ASMTL: variants seen among roughly 807,000 people sequenced by gnomAD.
ASMTL encodes the protein acetylserotonin O-methyltransferase like, also known as probable bifunctional dTTP/UTP pyrophosphatase/methyltransferase protein.
In ASMTL, 57 loss-of-function variants were observed where a neutral mutation model predicts 60.3. The ratio of observed to expected loss-of-function variants is 0.95; its 90% confidence interval spans 0.76 to 1.18. The LOEUF is 1.18. Among genes scored for constraint, ASMTL ranks in the 50% most tolerant of loss-of-function variants. The pLI, the probability that ASMTL is intolerant of heterozygous loss-of-function variation, is 0.00. For missense variants in ASMTL, 981 were observed against 852.6 expected, an observed-to-expected ratio of 1.15 and a Z score of -1.88; for synonymous variants, 419 against 373.0, an observed-to-expected ratio of 1.12 and a Z score of -1.42.
intron 12 of ASMTL, among the ~76,000 whole-genome samples, chrX:1,411,110 G>T (rs1603450384): frequency 6.6e-6 from 1 of 152,252 alleles, no homozygotes; most frequent in East Asian, 1.9e-4. Flanking sequence ...CTTGAACCCT[G>T]GGGGTGGAGG....
intron 2 of ASMTL, 185 bp downstream of exon 2, chrX:1,442,001 A>G: frequency 1.5e-6 from 1 of 664,982 alleles, no homozygotes; most frequent in Non-Finnish European, 2.7e-6. Context: ...TTAATTCTGT[A>G]TCATTAATGG....
At chrX:1,417,915 T>A in intron 11 of ASMTL, 58 bp downstream of exon 11, 2 of 1,554,066 alleles carry the variant, frequency 1.3e-6, no homozygotes, top group Non-Finnish European at 1.7e-6. Context: ...GCCCTCTGTC[T>A]AGAAAGAGAT....
intron 8 of ASMTL, among the ~76,000 whole-genome samples, chrX:1,422,675 G>A (rs1569532843): frequency 6.6e-6 from 1 of 152,092 alleles, no homozygotes; most frequent in Non-Finnish European, 1.5e-5. Context: ...GTCCTCCTAT[G>A]TAAGAAACAG....
At chrX:1,438,339 C>T (rs1361287147) in intron 3 of ASMTL, among the ~76,000 whole-genome samples, 1 of 151,748 alleles carries the variant, frequency 6.6e-6, no homozygotes. Context: ...GAGAAGGCCA[C>T]ATGGAGATGG....
intron 1 of ASMTL, among the ~76,000 whole-genome samples, chrX:1,450,816 C>G (rs137865869): frequency 0.012 from 1,711 of 145,744 alleles, 112 homozygotes; most frequent in African/African-American, 0.043. Flanking sequence ...TTTCCCCACC[C>G]ACATCCCTAG....
At chrX:1,443,492 T>C (rs1389291496) in intron 1 of ASMTL, among the ~76,000 whole-genome samples, 3 of 146,486 alleles carry the variant, frequency 2.0e-5, no homozygotes, top group African/African-American at 8.0e-5. Flanking sequence ...TGCCGCCATC[T>C]TGGCCATCAT....
At chrX:1,417,643 CCA>C (rs1223508071) in intron 11 of ASMTL, among the ~76,000 whole-genome samples, 1 of 150,728 alleles carries the variant, frequency 6.6e-6, no homozygotes, top group African/African-American at 2.4e-5. Flanking sequence ...ACACATATAC[CCA>C]CACAGACACA....
At position 1,423,195 on chromosome X, in the gene ASMTL, G is replaced by T. The variant is rs146798300; in HGVS notation, c.1061-1353C>A. On this transcript the variant is annotated intron_variant, in intron 8 of 12. Transcript: ENST00000381317. ...TCTTGATCTCCTGAACTCGTGATCT[G>T]CCTGCCTTGGCCTCCCCAAGTGCTG... 5.1e-3 allele frequency among the ~76,000 whole-genome samples: 778 copies of T among 152,236 alleles called. 8 individuals carry two copies. The highest frequency in any genetic ancestry group is 0.017 in the African/African-American group (719 of 41,546).
At chrX:1,407,119 G>GTATATAGATGGATGCATGGATGA (rs1482060950) in intron 12 of ASMTL, among the ~76,000 whole-genome samples, 17 of 147,934 alleles carry the variant, frequency 1.1e-4, no homozygotes, top group African/African-American at 4.4e-4. Context: ...GTAGATGGAT[G>GTATATAGATGGATGCATGGATGA]GATGGATGGG....
chrX:1,418,727 G>A lies in ASMTL; in HGVS notation c.1378+255C>T, dbSNP rs752763843. ...CAGACTTGCTGAGGGGAATCCAGGG[G>A]TTCCAAGGTGCTCTGCCTCAGCTCC... On this transcript the variant is annotated intron_variant, in intron 10 of 12. Coordinates refer to ENST00000381317, the MANE Select transcript of ASMTL (RefSeq NM_004192.4). 6.6e-5 allele frequency among the ~76,000 whole-genome samples: 10 copies of A among 152,244 alleles called. No individual in the cohort carries two copies. In the South Asian group the frequency reaches 1.7e-3, roughly 25 times the overall value.
At position 1,418,973 on chromosome X, in the gene ASMTL, G is replaced by T. The variant is rs1406160195; in HGVS notation, c.1378+9C>A. On this transcript the variant is annotated intron_variant, in intron 10 of 12. Transcript: ENST00000381317. ...AAGTAAGGAGAGCCCTGGCGGGGGG[G>T]CCACCCACCTCCCACGTCGCAGGCG... 5 of 1,611,662 alleles carry T rather than the reference G, an allele frequency of 3.1e-6. No homozygotes were observed. The highest frequency in any genetic ancestry group is 4.2e-6 in the Non-Finnish European group (5 of 1,179,818).
At position 1,419,132 on chromosome X, in the gene ASMTL, C is replaced by CT; in HGVS notation, c.1246-19dup. The stretch of plus-strand genomic sequence containing the variant: ...TACGCATCCTGGAACACAGCAGGTG[C>CT]TTAGGGGCACCAGAGAACACGGGGC... On this transcript the variant is annotated intron_variant, in intron 9 of 12. Transcript: ENST00000381317. 6.2e-7 allele frequency: 1 copy of CT among 1,609,952 alleles called. No individual in the cohort carries two copies.
Position 1,421,782 on chromosome X carries a change from T to A in ASMTL, c.1121A>T (p.His374Leu). 1 of 1,613,888 alleles carries A rather than the reference T, an allele frequency of 6.2e-7. No individual in the cohort carries two copies. The highest frequency in any genetic ancestry group is 1.1e-5 in the South Asian group (1 of 91,074). ...YLASDGEYSL[H>L]GFIMHNNDLT... ...GTCATTATTGTGCATGATGAAGCCGTGCAGAGAGTATTCGCCATCCGATGC... is the reference window on the plus strand; with the variant it reads ...GTCATTATTGTGCATGATGAAGCCGAGCAGAGAGTATTCGCCATCCGATGC... The change falls in exon 9 of 13, where the codon CAC becomes CTC. Residue 374 changes from histidine (H) to leucine (L), a missense_variant. By Grantham distance (99) the His-to-Leu change is moderately conservative. Coordinates refer to ENST00000381317, the MANE Select transcript of ASMTL (RefSeq NM_004192.4).
chrX:1,450,076 GC>G (rs2091325215), intron 1 of ASMTL, among the ~76,000 whole-genome samples: 1 of 129,732 alleles, frequency 7.7e-6, no homozygotes, highest in Non-Finnish European at 1.6e-5. Flanking sequence ...CAGTAACTAT[GC>G]CCCCATCACC....
At chrX:1,431,821 A>T (rs28623006) in intron 6 of ASMTL, 98,052 of 162,000 alleles carry the variant, frequency 0.61, 30,056 homozygotes, top group South Asian at 0.74. Context: ...GTGGGTGATG[A>T]AGTGAAGCTG....
At chrX:1,447,273 G>A (rs1455762964) in intron 1 of ASMTL, among the ~76,000 whole-genome samples, 3 of 152,298 alleles carry the variant, frequency 2.0e-5, no homozygotes, top group Non-Finnish European at 2.9e-5. Context: ...TGCCATCTTC[G>A]ACACACACTG....
rs1403207392 is a variant in ASMTL at position 1,439,251 on chromosome X, C to T, written c.226-107G>A. On this transcript the variant is annotated intron_variant, in intron 2 of 12. Coordinates refer to ENST00000381317, the MANE Select transcript of ASMTL (RefSeq NM_004192.4). The stretch of plus-strand genomic sequence containing the variant: ...AGAGCACCGCAGGGGCGAAGCCAGG[C>T]CGACTTTGGAAGTGAAGGCTGGGGG... 41 of 1,203,462 alleles carry T rather than the reference C, an allele frequency of 3.4e-5. No individual in the cohort carries two copies. The African/African-American group carries it at 6.0e-4, about 18-fold the overall frequency. The allele number at this position is 1,203,462 out of a possible 1,614,324, so 74.5% of individuals were successfully genotyped here. A position where few individuals can be genotyped will look rare whatever the true frequency, so the allele number is the denominator to read the frequency against.
intron 1 of ASMTL, among the ~76,000 whole-genome samples, chrX:1,443,091 TCTG>T (rs1267200848): frequency 0.022 from 3,135 of 145,638 alleles, 47 homozygotes; most frequent in Middle Eastern, 0.048. Flanking sequence ...CACACTGCCA[TCTG>T]GGACACACAC....
chrX:1,416,331 A>G lies in ASMTL; in HGVS notation c.1522+1642T>C, dbSNP rs1204544904. On this transcript the variant is annotated intron_variant, in intron 11 of 12. Transcript: ENST00000381317. ...CATGCACAGCTGGACACACACACAC[A>G]CGGACATACAGATACAGTGACAGGC... 3.4e-4 allele frequency among the ~76,000 whole-genome samples: 10 copies of G among 29,464 alleles called. 1 individual carries two copies. The highest frequency in any genetic ancestry group is 6.4e-4 in the African/African-American group (10 of 15,588). The allele number at this position is 29,464 out of a possible 152,430, so 19.3% of individuals were successfully genotyped here.
Sources: allele counts gnomAD v4.1 joint callset (sites outside exome capture counted in the v4.1 genomes callset), GRCh38; gene constraint gnomAD v4.1.1; transcripts MANE v1.5; gene names NCBI Gene and HGNC (gene_info 2026-07-23, HGNC 2026-07-21).